The following PRDM11 variants were observed in gnomAD, a reference collection of about 807,000 sequenced individuals.
The protein encoded by PRDM11 is PR domain-containing protein 11.
PRDM11 carries 20 observed loss-of-function variants against 97.8 expected under a neutral mutation model. The ratio of observed to expected loss-of-function variants is 0.20; its 90% CI spans 0.14 to 0.30. The LOEUF (loss-of-function observed/expected upper bound fraction) is 0.30, where lower values mean the gene tolerates loss of function less well. Among genes scored for constraint, PRDM11 ranks in the 10% least tolerant of loss-of-function variants. The pLI is 1.00. For missense variants in PRDM11, 1,139 were observed against 1,555.2 expected (o/e 0.73, Z 4.50); for synonymous variants, 599 against 637.7 (o/e 0.94, Z 0.91).
chr11:45,167,723 T>G (rs2135713422), intron 1 of PRDM11, among the ~76,000 whole-genome samples: 1 of 150,794 alleles, frequency 6.6e-6, no homozygotes, highest in East Asian at 2.0e-4. Flanking sequence ...TTAGGGATGC[T>G]TAGGACCCAA....
At chr11:45,129,387 C>CA (rs1361356460) in intron 1 of PRDM11, among the ~76,000 whole-genome samples, 1 of 151,924 alleles carries the variant, frequency 6.6e-6, no homozygotes, top group Non-Finnish European at 1.5e-5. Context: ...GTGATGTATG[C>CA]AAAAAATTCA....
In PRDM11 at chr11:45,151,140, A is replaced by G. The variant is rs373410760; in HGVS notation, c.-7+4263A>G. ...ACCTACCTAACATCGGGGTTTGAGC[A>G]TGGGGTTCTTGGCTCAGAGGTGACT... On this transcript the variant is annotated intron_variant, in intron 1 of 7. Coordinates refer to ENST00000683152, the MANE Select transcript of PRDM11 (RefSeq NM_001384648.1). Among the ~76,000 whole-genome samples the G allele has an allele frequency of 2.1e-3, 319 of 152,276 alleles. 1 individual carries two copies. The highest frequency in any genetic ancestry group is 3.5e-3 in the Non-Finnish European group (238 of 68,014).
chr11:45,101,310 C>A (rs945704758), intron 1 of PRDM11, among the ~76,000 whole-genome samples: 1 of 152,152 alleles, frequency 6.6e-6, no homozygotes, highest in Admixed American at 6.5e-5. Context: ...GTAATCCCAA[C>A]ACTTTGGGAG....
chr11:45,156,165 A>G (rs922401095), intron 1 of PRDM11, among the ~76,000 whole-genome samples: 2 of 152,204 alleles, frequency 1.3e-5, no homozygotes, highest in African/African-American at 4.8e-5. Flanking sequence ...ACAGATTCCA[A>G]GTTCCTTCCC....
intron 1 of PRDM11, among the ~76,000 whole-genome samples, chr11:45,128,502 A>AC (rs1222357331): frequency 1.3e-4 from 15 of 119,070 alleles, no homozygotes; most frequent in Non-Finnish European, 1.4e-4. Flanking sequence ...CACCCCGCGC[A>AC]CCCCCCCTCC....
chr11:45,188,859 A>G (rs1336989500), intron 4 of PRDM11, among the ~76,000 whole-genome samples: 1 of 152,206 alleles, frequency 6.6e-6, no homozygotes, highest in Non-Finnish European at 1.5e-5. Context: ...TTTGGTAAAG[A>G]GGCAGAAGAC....
intron 4 of PRDM11, among the ~76,000 whole-genome samples, chr11:45,185,099 A>G (rs797009171): frequency 2.0e-5 from 3 of 152,184 alleles, no homozygotes; most frequent in African/African-American, 7.2e-5. Flanking sequence ...AACCAGCCAG[A>G]AAGACTGAAA....
intron 1 of PRDM11, among the ~76,000 whole-genome samples, chr11:45,111,749 C>A (rs184593164): frequency 1.3e-5 from 2 of 152,064 alleles, no homozygotes; most frequent in East Asian, 1.9e-4. Flanking sequence ...GCTTCCATCG[C>A]GGAACACAAC....
At position 45,224,421 on chromosome 11, in the gene PRDM11, C is replaced by T. The variant is rs747732976; in HGVS notation, c.947C>T (p.Ala316Val). Residue 316 changes from alanine to valine, a missense_variant, in exon 7 of 8, where the codon GCG becomes GTG. Physicochemically the swap from Ala to Val is moderately conservative, Grantham distance 64. Transcript: ENST00000683152. ...GTTCTGGAGGCCTCACTGGAATCTG[C>T]GAAGGTGGAAGCCCACCAGTTGGCC... The part of the protein sequence containing the change: ...KDVLEASLES[A>V]KVEAHQLALS... 52 of 1,614,032 alleles carry T rather than the reference C, an allele frequency of 3.2e-5. No homozygotes were observed. The highest frequency in any genetic ancestry group is 5.3e-5 in the African/African-American group (4 of 74,908).
intron 5 of PRDM11, among the ~76,000 whole-genome samples, chr11:45,208,426 A>G (rs1853592794): frequency 6.6e-6 from 1 of 152,240 alleles, no homozygotes; most frequent in Admixed American, 6.5e-5. Flanking sequence ...ATATCGCTTT[A>G]TAGAGGCAAT....
intron 1 of PRDM11, among the ~76,000 whole-genome samples, chr11:45,128,098 A>T (rs535604097): frequency 2.0e-5 from 3 of 152,216 alleles, no homozygotes; most frequent in South Asian, 2.1e-4. Flanking sequence ...TTGATCTCAG[A>T]CTGCTGTGCT....
At chr11:45,179,942 C>T (rs1371416076) in intron 1 of PRDM11, among the ~76,000 whole-genome samples, 1 of 152,182 alleles carries the variant, frequency 6.6e-6, no homozygotes, top group Non-Finnish European at 1.5e-5. Context: ...GTTCAGGGAT[C>T]CTTCACAAAT....
In PRDM11 at chr11:45,181,866, C is replaced by G. The variant is rs1565296687; in HGVS notation, c.100C>G (p.Gln34Glu). The G allele has an allele frequency of 6.2e-7, 1 of 1,612,992 alleles. No individual in the cohort carries two copies. Among genetic ancestry groups the G allele is most frequent in the Non-Finnish European group, 8.5e-7 (1 of 1,179,760 alleles). The change falls in exon 2 of 8, where the codon CAG becomes GAG. Residue 34 changes from glutamine (Q) to glutamate (E), a missense_variant. Around this residue, in one of 2 missense-constraint regions of PRDM11, gnomAD observed 429 missense variants for 510.3 expected, o/e 0.84. Transcript: ENST00000683152. ...KTEVCSPLRD[Q>E]EYGQPCSRRP... ...GGAGGTCTGCTCACCACTCCGAGAC[C>G]AGGAGTATGGCCAGCCCTGGTGAGG...
At chr11:45,155,632 T>G (rs1851775211) in intron 1 of PRDM11, among the ~76,000 whole-genome samples, 1 of 149,676 alleles carries the variant, frequency 6.7e-6, no homozygotes. Flanking sequence ...GGTGCAGGGG[T>G]GCCTCAAGGA....
Position 45,230,837 on chromosome 11 carries a change from A to C in PRDM11, c.*2678A>C, listed in dbSNP as rs1854386458. On this transcript the variant is annotated 3_prime_UTR_variant, in exon 8 of 8. Coordinates refer to ENST00000683152, the MANE Select transcript of PRDM11 (RefSeq NM_001384648.1). Reference sequence around the variant, plus strand: ...AGTTGGAGCTACTCTTTTTCCTCTCAAGAGATCATGGCCAAAATGAGCTAA... The same window carrying C: ...AGTTGGAGCTACTCTTTTTCCTCTCCAGAGATCATGGCCAAAATGAGCTAA... 3 of 152,346 alleles carry C rather than the reference A, an allele frequency of 2.0e-5. No homozygotes were observed. The highest frequency in any genetic ancestry group is 4.1e-4 in the South Asian group (2 of 4,822). 9.4% of individuals were successfully genotyped at this position (152,346 alleles called of 1,614,324 possible).
At chr11:45,215,326 A>G (rs1244345162) in intron 5 of PRDM11, among the ~76,000 whole-genome samples, 2 of 152,220 alleles carry the variant, frequency 1.3e-5, no homozygotes, top group African/African-American at 4.8e-5. Context: ...GAAATCCCCT[A>G]GTCTTGCCCA....
chr11:45,156,273 G>A (rs1851791738), intron 1 of PRDM11, among the ~76,000 whole-genome samples: 1 of 152,234 alleles, frequency 6.6e-6, no homozygotes, highest in Admixed American at 6.5e-5. Context: ...CTTGAAGAAT[G>A]GGGATGCCTA....
intron 1 of PRDM11, among the ~76,000 whole-genome samples, chr11:45,162,118 A>G (rs968638713): frequency 2.0e-5 from 3 of 152,210 alleles, no homozygotes; most frequent in African/African-American, 4.8e-5. Context: ...GAGAAGCACC[A>G]TGGGTTGCCC....
At chr11:45,205,932 A>T (rs546866200) in intron 5 of PRDM11, among the ~76,000 whole-genome samples, 1 of 152,202 alleles carries the variant, frequency 6.6e-6, no homozygotes, top group South Asian at 2.1e-4. Flanking sequence ...TGCAGAACAG[A>T]GGCTCCAGAG....
Sources: gnomAD v4.1 joint callset for allele counts (sites outside exome capture counted in the v4.1 genomes callset) on GRCh38, gnomAD v4.1.1 for gene constraint, gnomAD v4.1.1 regional missense constraint, MANE v1.5 for transcripts, NCBI Gene and HGNC (gene_info 2026-07-23, HGNC 2026-07-21) for gene names.